The following ZBTB38 variants were observed in gnomAD, a reference collection of about 807,000 sequenced individuals.
The protein encoded by ZBTB38 is zinc finger and BTB domain containing 38.
Under a neutral mutation model 76.8 loss-of-function variants are expected in ZBTB38, and 20 were observed. That is an observed-to-expected ratio of 0.26 (90% CI 0.18 to 0.38). ZBTB38 has a LOEUF of 0.38. Ranked by LOEUF, ZBTB38 falls within the 10% of genes least tolerant of loss-of-function variation. ZBTB38 has a pLI of 1.00. For missense variants in ZBTB38, 1,082 were observed against 1,482.3 expected, an observed-to-expected ratio of 0.73 and a Z score of 4.43; for synonymous variants, 504 against 544.2, an observed-to-expected ratio of 0.93 and a Z score of 1.03.
chr3:141,425,380 A>C (rs1359303101), intron 5 of ZBTB38, among the ~76,000 whole-genome samples: 1 of 152,274 alleles, frequency 6.6e-6, no homozygotes, highest in Admixed American at 6.5e-5. Flanking sequence ...AGTCATATTC[A>C]TAAGTGCCAT....
chr3:141,361,246 G>T (rs753981612), intron 1 of ZBTB38, among the ~76,000 whole-genome samples: 8 of 152,130 alleles, frequency 5.3e-5, no homozygotes, highest in Non-Finnish European at 1.2e-4. Context: ...TGGCGGGGAG[G>T]GGAGGGCAAA....
chr3:141,335,819 T>C (rs1943001451), intron 1 of ZBTB38, among the ~76,000 whole-genome samples: 1 of 152,252 alleles, frequency 6.6e-6, no homozygotes, highest in African/African-American at 2.4e-5. Flanking sequence ...GTGTATCTGT[T>C]TATTTATTAT....
intron 1 of ZBTB38, among the ~76,000 whole-genome samples, chr3:141,357,160 ATTTC>A (rs1943687048): frequency 6.6e-6 from 1 of 152,142 alleles, no homozygotes; most frequent in Non-Finnish European, 1.5e-5. Flanking sequence ...GTTGGTCTCC[ATTTC>A]CCTGACGCTA....
chr3:141,406,868 G>A (rs1954688465), intron 5 of ZBTB38, among the ~76,000 whole-genome samples: 1 of 152,178 alleles, frequency 6.6e-6, no homozygotes, highest in Non-Finnish European at 1.5e-5. Flanking sequence ...GGATTCACAA[G>A]TGCAAAGTTA....
At chr3:141,334,517 C>T (rs1183454219) in intron 1 of ZBTB38, among the ~76,000 whole-genome samples, 1 of 150,556 alleles carries the variant, frequency 6.6e-6, no homozygotes, top group African/African-American at 2.4e-5. Flanking sequence ...TTCCTTCTCC[C>T]TTCCTTTCTC....
chr3:141,434,426 TG>T (rs1290194017), intron 5 of ZBTB38, among the ~76,000 whole-genome samples: 1 of 150,864 alleles, frequency 6.6e-6, no homozygotes, highest in Non-Finnish European at 1.5e-5. Context: ...TTGTAGGGAG[TG>T]GGGAGGCTAG....
At chr3:141,341,465 G>A (rs1286246140) in intron 1 of ZBTB38, among the ~76,000 whole-genome samples, 1 of 152,200 alleles carries the variant, frequency 6.6e-6, no homozygotes, top group East Asian at 1.9e-4. Flanking sequence ...ACAAAATGTG[G>A]TGTAGCCACA....
rs745422737 is a variant in ZBTB38 at position 141,444,516 on chromosome 3, A to G, written c.2128A>G (p.Ser710Gly). 2 of 1,614,046 alleles carry G rather than the reference A, an allele frequency of 1.2e-6. No homozygotes were observed. The highest frequency in any genetic ancestry group is 2.2e-5 in the East Asian group (1 of 44,898). Residue 710 changes from serine (S) to glycine (G), a missense_variant, in exon 6 of 6, where the codon AGT (serine) becomes GGT (glycine). Physicochemically the swap from Ser to Gly is moderately conservative, Grantham distance 56 (BLOSUM62 0). Around this residue, in one of 8 missense-constraint regions of ZBTB38, gnomAD observed 471 missense variants for 581.0 expected, o/e 0.81. Coordinates refer to ENST00000321464, the MANE Select transcript of ZBTB38 (RefSeq NM_001376113.1). This position sits in a 1 kb window ranked among gnomAD's most constrained non-coding sequence, Gnocchi z 5.1. ...GAATGCCGCCTCTGTGATCAGCTAC[A>G]GTGGCTCTGCACCCTCGGTCATTGT... ...SENAASVISY[S>G]GSAPSVIVHS...
At chr3:141,366,079 A>T (rs1943956128), upstream of ZBTB38, among the ~76,000 whole-genome samples, 2 of 152,180 alleles carry the variant, frequency 1.3e-5, no homozygotes, top group African/African-American at 4.8e-5. Flanking sequence ...GTGCCATTGT[A>T]CTTACTTCTC....
chr3:141,377,233 C>T (rs76706325), intron 2 of ZBTB38, among the ~76,000 whole-genome samples: 54 of 152,366 alleles, frequency 3.5e-4, no homozygotes, highest in Non-Finnish European at 6.8e-4. Flanking sequence ...CTCAGCCCCC[C>T]CATCCAGAAA....
intron 1 of ZBTB38, among the ~76,000 whole-genome samples, chr3:141,339,326 C>T (rs571577089): frequency 1.3e-5 from 2 of 152,296 alleles, no homozygotes; most frequent in East Asian, 3.9e-4. Flanking sequence ...CGGGTTGATT[C>T]TGAATGTGAT....
At chr3:141,332,653 GC>G (rs1942887385) in intron 1 of ZBTB38, among the ~76,000 whole-genome samples, 1 of 152,220 alleles carries the variant, frequency 6.6e-6, no homozygotes, top group Non-Finnish European at 1.5e-5. Context: ...CCTGAGCAAT[GC>G]CCTGAATGCT....
At position 141,413,239 on chromosome 3, in the gene ZBTB38, G is replaced by A. The variant is rs984721411; in HGVS notation, c.-1+9208G>A. Among the ~76,000 whole-genome samples the A allele has an allele frequency of 6.6e-6, 1 of 152,228 alleles. No homozygotes were observed. The highest frequency in any genetic ancestry group is 1.9e-4 in the East Asian group (1 of 5,196). On this transcript the variant is annotated intron_variant, in intron 5 of 5. Transcript: ENST00000321464. This position sits in a 1 kb window ranked among gnomAD's most constrained non-coding sequence, Gnocchi z 4.1. ...GGTGTCTGTTGACAGTGGGGAGGAGGTGGGGAAGACCCAGCCGGCCGAGAG... is the reference window on the plus strand; with the variant it reads ...GGTGTCTGTTGACAGTGGGGAGGAGATGGGGAAGACCCAGCCGGCCGAGAG...
At chr3:141,402,041 G>C (rs893923396) in intron 4 of ZBTB38, among the ~76,000 whole-genome samples, 2 of 152,236 alleles carry the variant, frequency 1.3e-5, no homozygotes, top group Non-Finnish European at 2.9e-5. Context: ...ACAGTCACCA[G>C]GCTCTGTGGC....
chr3:141,384,508 T>C (rs945978820), intron 3 of ZBTB38, among the ~76,000 whole-genome samples: 1 of 152,220 alleles, frequency 6.6e-6, no homozygotes, highest in South Asian at 2.1e-4. Context: ...ATGGGGAATA[T>C]CTCAACAGAC....
chr3:141,427,707 G>A (rs2076658084), intron 5 of ZBTB38: 1 of 152,652 alleles, frequency 6.6e-6, no homozygotes, highest in Non-Finnish European at 1.5e-5. Context: ...TCTTCCCCCA[G>A]TGCTCCCCTG....
chr3:141,345,900 C>T (rs988402991), intron 1 of ZBTB38, among the ~76,000 whole-genome samples: 6 of 152,088 alleles, frequency 3.9e-5, no homozygotes, highest in East Asian at 1.9e-4. Flanking sequence ...AAAGACCTCC[C>T]GGGGGACAAG....
chr3:141,394,990 A>G (rs1215443811), intron 4 of ZBTB38, among the ~76,000 whole-genome samples: 1 of 152,248 alleles, frequency 6.6e-6, no homozygotes, highest in Non-Finnish European at 1.5e-5. Context: ...TCACAGGGAA[A>G]GCCCAAATTC....
At chr3:141,403,687 T>C (rs571924900) in intron 4 of ZBTB38, among the ~76,000 whole-genome samples, 8 of 152,234 alleles carry the variant, frequency 5.3e-5, no homozygotes, top group Non-Finnish European at 1.0e-4. Context: ...ATACACCAGC[T>C]GTGTGACCTT....
Sources: gnomAD v4.1 joint callset for allele counts (sites outside exome capture counted in the v4.1 genomes callset) on GRCh38, gnomAD v4.1.1 for gene constraint, gnomAD v4.1.1 regional missense constraint, Gnocchi (gnomAD v3.1) non-coding constraint, MANE v1.5 for transcripts, NCBI Gene and HGNC (gene_info 2026-07-23, HGNC 2026-07-21) for gene names.